CDK14: variants seen among roughly 807,000 people sequenced by gnomAD.
CDK14 encodes cyclin-dependent kinase 14.
A neutral mutation model predicts 60.7 loss-of-function variants in CDK14; 34 were observed. The ratio of observed to expected loss-of-function variants is 0.56; its 90% CI spans 0.43 to 0.75. The LOEUF (loss-of-function observed/expected upper bound fraction) is 0.75, where lower values mean the gene tolerates loss of function less well. Among genes scored for constraint, CDK14 ranks in the 30% least tolerant of loss-of-function variants. CDK14 has a pLI of 0.00. For synonymous variants in CDK14, 197 were observed against 203.7 expected (o/e 0.97, Z 0.28); for missense variants, 482 against 564.1 (o/e 0.85, Z 1.47).
At chr7:90,827,705 A>G (rs1470192702) in intron 5 of CDK14, among the ~76,000 whole-genome samples, 2 of 152,232 alleles carry the variant, frequency 1.3e-5, no homozygotes, top group South Asian at 2.1e-4. Flanking sequence ...AGGAGTACCA[A>G]TTAAGCATCC....
At chr7:91,054,135 G>A (rs117341853) in intron 11 of CDK14, among the ~76,000 whole-genome samples, 2,244 of 117,538 alleles carry the variant, frequency 0.019, 28 homozygotes, top group Non-Finnish European at 0.025. Context: ...CATGTGCTCT[G>A]CCTGCTATCT....
intron 14 of CDK14, among the ~76,000 whole-genome samples, chr7:91,155,578 C>CT (rs1297046939): frequency 6.6e-6 from 1 of 152,176 alleles, no homozygotes; most frequent in Admixed American, 6.5e-5. Context: ...TGTAACAGAT[C>CT]TTTGTTTCTT....
chr7:91,149,764 T>C (rs1431498099), intron 14 of CDK14, among the ~76,000 whole-genome samples: 1 of 152,230 alleles, frequency 6.6e-6, no homozygotes, highest in Non-Finnish European at 1.5e-5. Flanking sequence ...CTGTACAGAA[T>C]TAACTAGGCC....
At chr7:90,900,476 T>C (rs1433432482) in intron 7 of CDK14, among the ~76,000 whole-genome samples, 2 of 152,192 alleles carry the variant, frequency 1.3e-5, no homozygotes, top group Non-Finnish European at 2.9e-5. Flanking sequence ...TTGTCTATGT[T>C]CAATTCCAAC....
chr7:90,643,149 C>G (rs566040944), intron 2 of CDK14, among the ~76,000 whole-genome samples: 2 of 152,304 alleles, frequency 1.3e-5, no homozygotes, highest in East Asian at 3.9e-4. Flanking sequence ...AGACCTTTGC[C>G]TGGAGGCAAG....
intron 5 of CDK14, among the ~76,000 whole-genome samples, chr7:90,840,097 A>T (rs1790242065): frequency 6.6e-6 from 1 of 152,218 alleles, no homozygotes; most frequent in African/African-American, 2.4e-5. Flanking sequence ...TCCTTCTAAG[A>T]GGACTGTCCT....
intron 11 of CDK14, among the ~76,000 whole-genome samples, chr7:91,051,000 C>T (rs1247596336): frequency 1.3e-5 from 2 of 152,164 alleles, no homozygotes; most frequent in Non-Finnish European, 2.9e-5. Context: ...ATCACAATTT[C>T]TCATTGTCCT....
intron 2 of CDK14, among the ~76,000 whole-genome samples, chr7:90,644,545 A>G (rs1405825697): frequency 6.6e-6 from 1 of 152,206 alleles, no homozygotes; most frequent in Non-Finnish European, 1.5e-5. Flanking sequence ...CTCAACAGCA[A>G]CCACAAGTAG....
chr7:91,065,965 T>A (rs561189791), intron 11 of CDK14, among the ~76,000 whole-genome samples: 1 of 152,348 alleles, frequency 6.6e-6, no homozygotes, highest in South Asian at 2.1e-4. Context: ...CTGGAGCCTT[T>A]TGCCTTCATG....
In CDK14 at chr7:90,759,054, T is replaced by TAA. The variant is rs66582106; in HGVS notation, c.464+11295_464+11296dup. Among the ~76,000 whole-genome samples, 1,279 of 134,704 alleles carry TAA rather than the reference T, an allele frequency of 9.5e-3. 11 individuals are homozygous for TAA. The highest frequency in any genetic ancestry group is 0.012 in the Admixed American group (158 of 13,622). 88.4% of individuals were successfully genotyped at this position (134,704 alleles called of 152,430 possible). On this transcript the variant is annotated intron_variant, in intron 4 of 14. Transcript: ENST00000380050. ...CTGGGTGACAGAGCGAGACTCTGTC[T>TAA]AAAAAAAAAAAAAAAAATCGTAAAA...
chr7:90,824,605 A>T (rs1584014836), intron 5 of CDK14: 1 of 152,348 alleles, frequency 6.6e-6, no homozygotes, highest in Middle Eastern at 3.4e-3. Flanking sequence ...GCTGCTACTC[A>T]TTATGTGCTG....
chr7:90,609,141 C>T (rs1446217979), intron 2 of CDK14, among the ~76,000 whole-genome samples: 3 of 152,164 alleles, frequency 2.0e-5, no homozygotes, highest in Admixed American at 2.0e-4. Flanking sequence ...ATCCTCCCAC[C>T]TCAGCCTTCT....
intron 10 of CDK14, among the ~76,000 whole-genome samples, chr7:91,025,578 G>A (rs1287157168): frequency 6.6e-6 from 1 of 152,150 alleles, no homozygotes; most frequent in Non-Finnish European, 1.5e-5. Flanking sequence ...TGTATTATAG[G>A]TGGCCTTGAT....
intron 5 of CDK14, among the ~76,000 whole-genome samples, chr7:90,834,200 TG>T (rs1790014211): frequency 6.6e-6 from 1 of 152,226 alleles, no homozygotes; most frequent in African/African-American, 2.4e-5. Context: ...GTCTCTACTT[TG>T]TATCTCTCAT....
intron 9 of CDK14, among the ~76,000 whole-genome samples, chr7:90,974,028 A>T (rs1163813016): frequency 6.6e-6 from 1 of 152,168 alleles, no homozygotes; most frequent in African/African-American, 2.4e-5. Flanking sequence ...CTCGTAAGAC[A>T]GACACTCCCA....
At chr7:91,135,374 C>T (rs1289250840) in intron 14 of CDK14, among the ~76,000 whole-genome samples, 2 of 152,074 alleles carry the variant, frequency 1.3e-5, no homozygotes, top group Admixed American at 6.6e-5. Context: ...AAATGAGCCC[C>T]CTTTTAGAGG....
intron 3 of CDK14, among the ~76,000 whole-genome samples, chr7:90,739,633 C>G (rs1414365233): frequency 6.6e-6 from 1 of 152,096 alleles, no homozygotes; most frequent in Non-Finnish European, 1.5e-5. Flanking sequence ...TATACTTACT[C>G]TAAGTAGTCA....
At chr7:91,147,831 A>G (rs1800705382) in intron 14 of CDK14, among the ~76,000 whole-genome samples, 1 of 152,170 alleles carries the variant, frequency 6.6e-6, no homozygotes, top group South Asian at 2.1e-4. Context: ...ATAATACTTG[A>G]TAACTTTTAT....
In CDK14 at chr7:91,202,184, G is replaced by C. The variant is rs187275688; in HGVS notation, c.*29-4981G>C. On this transcript the variant is annotated intron_variant, in intron 14 of 14. Coordinates refer to ENST00000380050, the MANE Select transcript of CDK14 (RefSeq NM_001287135.2). ...ATCCAAAAAATATCTAGTTCATAGG[G>C]CACATGGGTCAGAACAAAGTTGCAT... 3.7e-3 allele frequency among the ~76,000 whole-genome samples: 562 copies of C among 152,264 alleles called. 4 individuals carry two copies. Among genetic ancestry groups the C allele is most frequent in the Middle Eastern group, 6.8e-3 (2 of 294 alleles).
Sources: gnomAD v4.1 joint callset for allele counts (sites outside exome capture counted in the v4.1 genomes callset) on GRCh38, gnomAD v4.1.1 for gene constraint, MANE v1.5 for transcripts, NCBI Gene and HGNC (gene_info 2026-07-23, HGNC 2026-07-21) for gene names.